NECTIN1: variants seen among roughly 807,000 people sequenced by gnomAD.
NECTIN1 encodes the protein nectin cell adhesion molecule 1, also known as nectin-1.
Under a neutral mutation model 48.0 loss-of-function variants are expected in NECTIN1, and 23 were observed. The ratio of observed to expected loss-of-function variants is 0.48; its 90% CI spans 0.34 to 0.68. The LOEUF (loss-of-function observed/expected upper bound fraction) is 0.68. Ranked by LOEUF, NECTIN1 falls within the 30% of genes least tolerant of loss-of-function variation. The probability of loss-of-function intolerance (pLI) is 0.01; values close to 1 mark genes in which losing one functional copy is unlikely to be tolerated. For synonymous variants in NECTIN1, 270 were observed against 288.9 expected (o/e 0.93, Z 0.66); for missense variants, 591 against 709.9 (o/e 0.83, Z 1.90).
chr11:119,674,456 G>A lies in NECTIN1; in HGVS notation c.1003+703C>T, dbSNP rs539540304. ...GTGCTAGGTGCTTGACTTACATCAC[G>A]TAGAATTCTGACAACAGCCCTTCAA... On this transcript the variant is annotated intron_variant, in intron 5 of 5. Transcript: ENST00000264025. The A allele has an allele frequency of 2.6e-4, 409 of 1,597,854 alleles. 3 individuals carry two copies. The South Asian group carries it at 3.7e-3, about 14-fold the overall frequency.
At chr11:119,706,864 G>A (rs1257652208) in intron 1 of NECTIN1, among the ~76,000 whole-genome samples, 4 of 152,116 alleles carry the variant, frequency 2.6e-5, no homozygotes, top group African/African-American at 7.2e-5. Flanking sequence ...TCCCACTTTT[G>A]TCCTCAGTGG....
In NECTIN1 at chr11:119,663,995, G is replaced by C. The variant is rs1864715128; in HGVS notation, c.*752C>G. 1.0e-6 allele frequency: 1 copy of C among 985,996 alleles called. No homozygotes were observed. Among genetic ancestry groups the C allele is most frequent in the Admixed American group, 6.1e-5 (1 of 16,272 alleles). The allele number at this position is 985,996 out of a possible 1,614,324, so 61.1% of individuals were successfully genotyped here. A position where few individuals can be genotyped will look rare whatever the true frequency, so the allele number is the denominator to read the frequency against. ...GTCAGCAGAGGCAGAGAGCAAGTGT[G>C]GGCTGGAGCCCACCTGGAGCCCCTA... On this transcript the variant is annotated 3_prime_UTR_variant, in exon 6 of 6. Transcript: ENST00000264025.
chr11:119,675,190 T>G lies in NECTIN1; in HGVS notation c.972A>C (p.Thr324=), dbSNP rs770551734. The G allele has an allele frequency of 3.1e-6, 5 of 1,614,018 alleles. No individual in the cohort carries two copies. The African/African-American group carries it at 4.0e-5, about 13-fold the overall frequency. Residue 324 remains threonine, a synonymous_variant, in exon 5 of 6, where the codon ACA becomes ACC. Transcript: ENST00000264025. ...YICEATNPIG[T]RSGQVEVNIT... is the part of the protein sequence containing the mutation. ...TATTGACCTCCACCTGGCCTGAGCG[T>G]GTACCGATGGGGTTGGTGGCCTCAC... is the stretch of plus-strand genomic sequence containing the variant.
At chr11:119,647,160 CATGTGT>C (rs1311836045) in intron 5 of NECTIN1, among the ~76,000 whole-genome samples, 7 of 71,304 alleles carry the variant, frequency 9.8e-5, no homozygotes, top group Admixed American at 4.4e-4. Context: ...GCTTGCGGCG[CATGTGT>C]GTGTGTGTGT....
At chr11:119,645,415 C>T (rs1042582268) in intron 5 of NECTIN1, among the ~76,000 whole-genome samples, 6 of 152,108 alleles carry the variant, frequency 3.9e-5, no homozygotes, top group African/African-American at 1.4e-4. Context: ...TACGTTGAAA[C>T]CCAACTGTGA....
intron 5 of NECTIN1, chr11:119,641,405 A>G (rs2089646): frequency 0.18 from 26,833 of 152,202 alleles, 4,300 homozygotes; most frequent in African/African-American, 0.43. Context: ...TTCCTCCAAC[A>G]GTTTGTGGCC....
chr11:119,697,614 C>G (rs1487271479), intron 1 of NECTIN1, among the ~76,000 whole-genome samples: 1 of 152,214 alleles, frequency 6.6e-6, no homozygotes, highest in Non-Finnish European at 1.5e-5. Context: ...TCTTCTGGAG[C>G]AAGGACTGAT....
chr11:119,715,276 C>T (rs1250067181), intron 1 of NECTIN1, among the ~76,000 whole-genome samples: 1 of 152,200 alleles, frequency 6.6e-6, no homozygotes, highest in African/African-American at 2.4e-5. Context: ...CAGGGAGGTA[C>T]CTTCAGCTGC....
At chr11:119,713,332 C>T (rs1160422882) in intron 1 of NECTIN1, among the ~76,000 whole-genome samples, 1 of 152,006 alleles carries the variant, frequency 6.6e-6, no homozygotes, top group East Asian at 1.9e-4. Flanking sequence ...CTGGGCAGAG[C>T]CTAGAAGGAT....
chr11:119,650,671 G>A (rs941941928), intron 5 of NECTIN1, among the ~76,000 whole-genome samples: 3 of 152,168 alleles, frequency 2.0e-5, no homozygotes, highest in African/African-American at 7.2e-5. Flanking sequence ...CGGATTCTGG[G>A]GCCAGACTGC....
chr11:119,642,444 C>T (rs764452984), intron 5 of NECTIN1: 3 of 153,044 alleles, frequency 2.0e-5, no homozygotes, highest in Non-Finnish European at 4.4e-5. Flanking sequence ...ACATGGAATC[C>T]GAACAGGAGG....
Position 119,677,118 on chromosome 11 carries a change from C to T in NECTIN1, c.835G>A (p.Glu279Lys), listed in dbSNP as rs191178069. Residue 279 changes from glutamate (E) to lysine (K), a missense_variant, in exon 4 of 6, where the codon GAG (glutamate) becomes AAG (lysine). Transcript: ENST00000264025. This position sits in a 1 kb window ranked among gnomAD's most constrained non-coding sequence, Gnocchi z 5.4. ...AGCACTTACGTGGTCCAGTGGTACT[C>T]AGTGGCTGGGGGGTTAGCATCAGCT... is the stretch of plus-strand genomic sequence containing the variant. ...CKADANPPAT[E>K]YHWTTLNGSL... The T allele has an allele frequency of 9.7e-5, 156 of 1,614,038 alleles. No homozygotes were observed. The East Asian group carries it at 3.4e-3, about 35-fold the overall frequency.
intron 5 of NECTIN1, among the ~76,000 whole-genome samples, chr11:119,674,214 G>T (rs1864907735): frequency 6.6e-6 from 1 of 152,126 alleles, no homozygotes; most frequent in Admixed American, 6.5e-5. Context: ...CTATATCTCA[G>T]TCACAGTGGG....
chr11:119,645,676 A>G (rs1178352158), intron 5 of NECTIN1, among the ~76,000 whole-genome samples: 1 of 152,168 alleles, frequency 6.6e-6, no homozygotes, highest in Non-Finnish European at 1.5e-5. Context: ...CTCCGTCTCA[A>G]CATCTCATTT....
At chr11:119,715,867 G>T (rs1049540312) in intron 1 of NECTIN1, among the ~76,000 whole-genome samples, 4 of 152,330 alleles carry the variant, frequency 2.6e-5, no homozygotes, top group African/African-American at 9.6e-5. Flanking sequence ...CACCTGCTGT[G>T]TGTGAGGTCA....
Position 119,665,447 on chromosome 11 carries a change from A to C in NECTIN1, c.1004-150T>G, listed in dbSNP as rs891754724. On this transcript the variant is annotated intron_variant, in intron 5 of 5. Transcript: ENST00000264025. The surrounding 1 kb of genome is among the most constrained non-coding windows in gnomAD (Gnocchi z 5.1). ...CAGCTCCAGTTCGAGGCCCCGCAGCACTCCACCCATCCTGGAGCCCTAACA... is the reference window on the plus strand; with the variant it reads ...CAGCTCCAGTTCGAGGCCCCGCAGCCCTCCACCCATCCTGGAGCCCTAACA... 2.0e-5 allele frequency: 27 copies of C among 1,378,038 alleles called. No homozygotes were observed. Among genetic ancestry groups the C allele is most frequent in the African/African-American group, 2.9e-5 (2 of 68,304 alleles). The allele number at this position is 1,378,038 out of a possible 1,614,324, so 85.4% of individuals were successfully genotyped here.
rs906600678 is a variant in NECTIN1, at chr11:119,683,846, C to G, written c.80-5081G>C. ...GCCCCTGGGGCTTGTTCTCAAGTGC[C>G]TCAGTTTCCCCACTAGATCTCAGGT... is the stretch of plus-strand genomic sequence containing the variant. On this transcript the variant is annotated intron_variant, in intron 1 of 5. Transcript: ENST00000264025. This position sits in a 1 kb window ranked among gnomAD's most constrained non-coding sequence, Gnocchi z 4.0. 5.9e-5 allele frequency among the ~76,000 whole-genome samples: 9 copies of G among 152,096 alleles called. No individual in the cohort carries two copies. Among genetic ancestry groups the G allele is most frequent in the African/African-American group, 2.2e-4 (9 of 41,394 alleles).
In NECTIN1 at chr11:119,639,463, T is replaced by C. The variant is rs1401658251; in HGVS notation, c.1151+402A>G. 9 of 301,938 alleles carry C rather than the reference T, an allele frequency of 3.0e-5. No individual in the cohort carries two copies. The East Asian group carries it at 6.9e-4, about 23-fold the overall frequency. 18.7% of individuals were successfully genotyped at this position (301,938 alleles called of 1,614,324 possible). ...GTTGAGGGTTTTGGCTCCCCCCATA[T>C]ACTTTGTGCCTCTCTCTCCTCTCTG... On this transcript the variant is annotated intron_variant, in intron 6 of 7. Coordinates refer to the NECTIN1 transcript ENST00000341398.
chr11:119,711,484 C>T (rs910460713), intron 1 of NECTIN1, among the ~76,000 whole-genome samples: 2 of 151,940 alleles, frequency 1.3e-5, no homozygotes, highest in African/African-American at 2.4e-5. Flanking sequence ...ATTTATGGGA[C>T]ACCTACTGTG....
Sources: gnomAD v4.1 joint callset for allele counts (sites outside exome capture counted in the v4.1 genomes callset) on GRCh38, gnomAD v4.1.1 for gene constraint, Gnocchi (gnomAD v3.1) non-coding constraint, MANE v1.5 for transcripts, NCBI Gene and HGNC (gene_info 2026-07-23, HGNC 2026-07-21) for gene names.